DLGAP1: variants seen among roughly 807,000 people sequenced by gnomAD.
DLGAP1 encodes the protein DLG associated protein 1, also known as disks large-associated protein 1.
A neutral mutation model predicts 90.8 loss-of-function variants in DLGAP1; 11 were observed. That is an observed-to-expected ratio of 0.12 (90% CI 0.08 to 0.20). DLGAP1 has a LOEUF of 0.20. DLGAP1 is among the 10% of genes least tolerant of loss of function. The pLI is 1.00. For synonymous variants in DLGAP1, 558 were observed against 540.7 expected (o/e 1.03, Z -0.44); for missense variants, 1,050 against 1,333.8 (o/e 0.79, Z 3.31).
intron 1 of DLGAP1, among the ~76,000 whole-genome samples, chr18:4,316,767 A>C (rs2080538625): frequency 6.6e-6 from 1 of 152,132 alleles, no homozygotes; most frequent in South Asian, 2.1e-4. Context: ...GATGTGATTA[A>C]ATTAGCAGGA....
chr18:4,425,159 C>T (rs1484636157), intron 1 of DLGAP1, among the ~76,000 whole-genome samples: 1 of 151,654 alleles, frequency 6.6e-6, no homozygotes, highest in African/African-American at 2.4e-5. Flanking sequence ...TATTTCAAAA[C>T]CAAAAAAAAT....
At chr18:3,982,665 C>T (rs2073758975) in intron 3 of DLGAP1, among the ~76,000 whole-genome samples, 1 of 152,064 alleles carries the variant, frequency 6.6e-6, no homozygotes, top group Non-Finnish European at 1.5e-5. Context: ...ATTTATAGCC[C>T]TTCTTCTCCT....
intron 9 of DLGAP1, among the ~76,000 whole-genome samples, chr18:3,553,824 C>T (rs1408492973): frequency 2.0e-5 from 3 of 152,134 alleles, no homozygotes; most frequent in East Asian, 3.9e-4. Flanking sequence ...TGAGCCACCA[C>T]GCCCGGCCCA....
At chr18:3,797,790 C>T (rs541496388) in intron 5 of DLGAP1, among the ~76,000 whole-genome samples, 16 of 152,236 alleles carry the variant, frequency 1.1e-4, no homozygotes, top group African/African-American at 2.4e-4. Context: ...AGTCCTGCTT[C>T]CCCAGTGATA....
chr18:4,044,499 T>A (rs1034317637), intron 2 of DLGAP1, among the ~76,000 whole-genome samples: 1 of 152,080 alleles, frequency 6.6e-6, no homozygotes, highest in Non-Finnish European at 1.5e-5. Context: ...TCCCAGCACT[T>A]TGGGAGGCCG....
chr18:3,541,427 A>G (rs2052686974), intron 9 of DLGAP1, among the ~76,000 whole-genome samples: 1 of 152,232 alleles, frequency 6.6e-6, no homozygotes, highest in African/African-American at 2.4e-5. Flanking sequence ...TGGCTAGGTC[A>G]TGATATTGTT....
chr18:4,269,458 A>G (rs1307382636), intron 1 of DLGAP1, among the ~76,000 whole-genome samples: 1 of 150,976 alleles, frequency 6.6e-6, no homozygotes, highest in African/African-American at 2.4e-5. Context: ...GGCTCACGCC[A>G]TTCTCCTGCC....
intron 6 of DLGAP1, among the ~76,000 whole-genome samples, chr18:3,730,307 A>G (rs1319390948): frequency 6.6e-6 from 1 of 152,214 alleles, no homozygotes; most frequent in African/African-American, 2.4e-5. Flanking sequence ...TTATTAATGT[A>G]TTTTAAAAAA....
At chr18:4,119,629 G>T (rs1455059258) in intron 2 of DLGAP1, among the ~76,000 whole-genome samples, 1 of 152,130 alleles carries the variant, frequency 6.6e-6, no homozygotes, top group East Asian at 1.9e-4. Flanking sequence ...GCAGAGCTAG[G>T]ACTAGAATCA....
chr18:4,004,397 C>T (rs1024481130), intron 3 of DLGAP1, among the ~76,000 whole-genome samples: 2 of 152,094 alleles, frequency 1.3e-5, no homozygotes, highest in African/African-American at 4.8e-5. Context: ...TCCTGCTCTC[C>T]GGGGAGTCCC....
intron 1 of DLGAP1, among the ~76,000 whole-genome samples, chr18:4,307,075 T>G (rs1040027785): frequency 1.3e-5 from 2 of 152,186 alleles, no homozygotes; most frequent in African/African-American, 4.8e-5. Context: ...AATTCATACC[T>G]GGGAAATTTC....
intron 2 of DLGAP1, among the ~76,000 whole-genome samples, chr18:4,034,909 T>C (rs376049663): frequency 3.7e-4 from 54 of 146,054 alleles, no homozygotes; most frequent in African/African-American, 1.3e-3. Flanking sequence ...CTTACCACCA[T>C]TTGAAAAAAA....
chr18:4,415,058 CAT>C (rs4057923), intron 1 of DLGAP1, among the ~76,000 whole-genome samples: 72,628 of 150,562 alleles, frequency 0.48, 17,883 homozygotes, highest in African/African-American at 0.61. Flanking sequence ...CACACATACA[CAT>C]ATATATATAT....
At chr18:3,762,513 T>A (rs192845130) in intron 5 of DLGAP1, among the ~76,000 whole-genome samples, 1 of 147,466 alleles carries the variant, frequency 6.8e-6, no homozygotes, top group Admixed American at 6.9e-5. Context: ...AGTGTAAAAG[T>A]ATTTTGATAG....
At chr18:4,089,540 G>A (rs73384743) in intron 2 of DLGAP1, among the ~76,000 whole-genome samples, 9,183 of 152,216 alleles carry the variant, frequency 0.06, 931 homozygotes, top group African/African-American at 0.21. Context: ...CCCACCATCT[G>A]ATTTCAAACT....
At chr18:4,156,588 A>T (rs960367678) in intron 1 of DLGAP1, among the ~76,000 whole-genome samples, 48 of 152,298 alleles carry the variant, frequency 3.2e-4, no homozygotes, top group Admixed American at 7.8e-4. Flanking sequence ...TCTCCTGATA[A>T]AATGTTGATA....
At chr18:3,931,759 T>A (rs561203460) in intron 3 of DLGAP1, among the ~76,000 whole-genome samples, 4 of 152,284 alleles carry the variant, frequency 2.6e-5, no homozygotes, top group East Asian at 1.9e-4. Flanking sequence ...GAATTTTTTT[T>A]AAATGTAAGG....
intron 1 of DLGAP1, among the ~76,000 whole-genome samples, chr18:4,337,320 A>T (rs1236503151): frequency 2.4e-4 from 36 of 149,510 alleles, no homozygotes; most frequent in Non-Finnish European, 7.4e-5. Context: ...CAACTTCCAG[A>T]GTAGCTGGGA....
At chr18:3,637,162 T>A (rs2058748600) in intron 7 of DLGAP1, among the ~76,000 whole-genome samples, 1 of 152,126 alleles carries the variant, frequency 6.6e-6, no homozygotes, top group African/African-American at 2.4e-5. Flanking sequence ...CCCATCCTTT[T>A]GATTGTTGTA....
Sources: allele counts gnomAD v4.1 joint callset (sites outside exome capture counted in the v4.1 genomes callset), GRCh38; gene constraint gnomAD v4.1.1; transcripts MANE v1.5; gene names NCBI Gene and HGNC (gene_info 2026-07-23, HGNC 2026-07-21).